EYA4: variants seen among roughly 807,000 people sequenced by gnomAD.
The protein encoded by EYA4 is EYA transcriptional coactivator and phosphatase 4.
EYA4 carries 31 observed loss-of-function variants against 87.9 expected under a neutral mutation model. The observed-to-expected ratio is 0.35, with a 90% CI of 0.27 to 0.48. The LOEUF (loss-of-function observed/expected upper bound fraction) is 0.48. Ranked by LOEUF, EYA4 falls within the 20% of genes least tolerant of loss-of-function variation. The pLI is 0.99. For synonymous variants in EYA4, 263 were observed against 270.6 expected, an observed-to-expected ratio of 0.97 and a Z score of 0.28; for missense variants, 678 against 761.4, an observed-to-expected ratio of 0.89 and a Z score of 1.29.
At chr6:133,411,137 ATAG>A (rs1789195816) in intron 3 of EYA4, among the ~76,000 whole-genome samples, 1 of 152,186 alleles carries the variant, frequency 6.6e-6, no homozygotes, top group Non-Finnish European at 1.5e-5. Flanking sequence ...GTTTTATTGT[ATAG>A]TACAACTGTA....
chr6:133,451,987 T>C (rs1459077221), intron 5 of EYA4, among the ~76,000 whole-genome samples: 2 of 152,090 alleles, frequency 1.3e-5, no homozygotes, highest in Non-Finnish European at 2.9e-5. Flanking sequence ...ATAAATGGCT[T>C]CATCAAATTA....
At chr6:133,395,759 T>TA (rs1336837205) in intron 3 of EYA4, among the ~76,000 whole-genome samples, 2 of 152,136 alleles carry the variant, frequency 1.3e-5, no homozygotes, top group African/African-American at 2.4e-5. Flanking sequence ...AGACTTCGTC[T>TA]AAAAAATTAA....
At position 133,512,604 on chromosome 6, in the gene EYA4, G is replaced by A. The variant is rs182281219; in HGVS notation, c.1282-117G>A. 62 of 810,528 alleles carry A rather than the reference G, an allele frequency of 7.6e-5. No homozygotes were observed. The East Asian group carries it at 1.0e-3, about 13-fold the overall frequency. The allele number at this position is 810,528 out of a possible 1,614,324, so 50.2% of individuals were successfully genotyped here. On this transcript the variant is annotated intron_variant, in intron 14 of 19. Coordinates refer to ENST00000355286, the MANE Select transcript of EYA4 (RefSeq NM_004100.5). ...ACAAGAGTGAGGCAATGAGATGGAC[G>A]GGCACATGCTGCCATCTTCTGGTGG... is the stretch of plus-strand genomic sequence containing the variant.
intron 3 of EYA4, among the ~76,000 whole-genome samples, chr6:133,439,937 C>CA (rs1198210496): frequency 3.3e-5 from 5 of 152,190 alleles, no homozygotes; most frequent in Non-Finnish European, 7.3e-5. Context: ...GGTCAAGGGA[C>CA]AGACCTTTCT....
intron 1 of EYA4, among the ~76,000 whole-genome samples, chr6:133,255,226 T>A (rs1262154877): frequency 6.6e-6 from 1 of 152,130 alleles, no homozygotes; most frequent in Non-Finnish European, 1.5e-5. Flanking sequence ...AGGAAATTCA[T>A]GCTGCTAAAG....
At chr6:133,483,939 G>T (rs1160830630) in intron 13 of EYA4, among the ~76,000 whole-genome samples, 1 of 151,982 alleles carries the variant, frequency 6.6e-6, no homozygotes, top group Non-Finnish European at 1.5e-5. Flanking sequence ...GGCCAGGCTG[G>T]TCTCGAACTC....
At chr6:133,294,630 C>T (rs1228927257) in intron 2 of EYA4, among the ~76,000 whole-genome samples, 5 of 151,930 alleles carry the variant, frequency 3.3e-5, no homozygotes, top group Admixed American at 6.6e-5. Context: ...TGCAGTGGTG[C>T]GATCTCGATT....
At chr6:133,382,650 C>A (rs1786323163) in intron 3 of EYA4, among the ~76,000 whole-genome samples, 1 of 151,852 alleles carries the variant, frequency 6.6e-6, no homozygotes, top group South Asian at 2.1e-4. Context: ...TTTTAAGGAA[C>A]AATAGTGGAA....
At chr6:133,482,882 G>T in intron 12 of EYA4, 150 bp from the exon 13 acceptor site, 1 of 633,918 alleles carries the variant, frequency 1.6e-6, no homozygotes, top group Non-Finnish European at 2.7e-6. Flanking sequence ...AGTTAGATTT[G>T]GCAAATTTGA....
intron 3 of EYA4, among the ~76,000 whole-genome samples, chr6:133,408,397 A>C (rs1201358035): frequency 6.6e-6 from 1 of 152,216 alleles, no homozygotes; most frequent in African/African-American, 2.4e-5. Flanking sequence ...CTCTTGAATG[A>C]TTTATGTAGA....
intron 1 of EYA4, among the ~76,000 whole-genome samples, chr6:133,265,737 A>G (rs545244789): frequency 1.3e-5 from 2 of 152,356 alleles, no homozygotes; most frequent in South Asian, 4.1e-4. Context: ...AAGGAAATAT[A>G]AAGCAAAGTA....
At chr6:133,375,301 G>A (rs1233960430) in intron 2 of EYA4, among the ~76,000 whole-genome samples, 1 of 151,618 alleles carries the variant, frequency 6.6e-6, no homozygotes, top group Non-Finnish European at 1.5e-5. Context: ...GTCCTTGAGT[G>A]GTATTAACTT....
intron 2 of EYA4, among the ~76,000 whole-genome samples, chr6:133,367,811 G>A (rs1214178523): frequency 6.6e-6 from 1 of 152,094 alleles, no homozygotes; most frequent in African/African-American, 2.4e-5. Context: ...ATAATAATTA[G>A]CAGCATTGAA....
chr6:133,411,651 AT>A (rs1307959790), intron 3 of EYA4, among the ~76,000 whole-genome samples: 1 of 152,098 alleles, frequency 6.6e-6, no homozygotes, highest in Non-Finnish European at 1.5e-5. Flanking sequence ...ACTCTACATT[AT>A]CTTATGAATA....
chr6:133,418,638 G>A (rs906159945), intron 3 of EYA4, among the ~76,000 whole-genome samples: 1 of 152,084 alleles, frequency 6.6e-6, no homozygotes, highest in Non-Finnish European at 1.5e-5. Context: ...ACACAGATAA[G>A]TTGTATGAAA....
intron 13 of EYA4, among the ~76,000 whole-genome samples, chr6:133,503,835 A>G (rs1170147024): frequency 2.6e-5 from 4 of 152,188 alleles, no homozygotes; most frequent in African/African-American, 9.6e-5. Flanking sequence ...AAAATGAAGA[A>G]AAAAGAATTT....
chr6:133,287,878 T>C (rs1207368389), intron 2 of EYA4, among the ~76,000 whole-genome samples: 1 of 152,124 alleles, frequency 6.6e-6, no homozygotes, highest in Non-Finnish European at 1.5e-5. Flanking sequence ...CTCATGCCTG[T>C]AATCCCAGCA....
At chr6:133,429,073 T>C (rs1790951701) in intron 3 of EYA4, among the ~76,000 whole-genome samples, 1 of 151,384 alleles carries the variant, frequency 6.6e-6, no homozygotes, top group South Asian at 2.1e-4. Flanking sequence ...ATTACAGGTG[T>C]GCGCCACCAC....
intron 3 of EYA4, among the ~76,000 whole-genome samples, chr6:133,414,479 A>G (rs1789530609): frequency 6.6e-6 from 1 of 152,156 alleles, no homozygotes; most frequent in African/African-American, 2.4e-5. Flanking sequence ...TGAGCTTCTC[A>G]TTCCTCACTG....
Sources: gnomAD v4.1 joint callset for allele counts (sites outside exome capture counted in the v4.1 genomes callset) on GRCh38, gnomAD v4.1.1 for gene constraint, MANE v1.5 for transcripts, NCBI Gene and HGNC (gene_info 2026-07-23, HGNC 2026-07-21) for gene names.